Variants in CAST observed in about 807,000 individuals in gnomAD.
CAST encodes calpastatin.
CAST carries 76 observed loss-of-function variants against 119.6 expected under a neutral mutation model. That is an observed-to-expected ratio of 0.64 (90% CI 0.53 to 0.77). The LOEUF (loss-of-function observed/expected upper bound fraction) is 0.77. CAST is among the 30% of genes least tolerant of loss of function. CAST has a pLI of 0.00. For missense variants in CAST, 953 were observed against 946.5 expected (o/e 1.01, Z -0.09); for synonymous variants, 319 against 331.6 (o/e 0.96, Z 0.41).
intron 3 of CAST, among the ~76,000 whole-genome samples, chr5:96,705,053 C>T (rs962877291): frequency 8.5e-5 from 13 of 152,136 alleles, no homozygotes; most frequent in Non-Finnish European, 1.8e-4. Flanking sequence ...GGGACGGTGG[C>T]TCATGCCTGT....
chr5:96,408,578 A>T, the CAST span, among the ~76,000 whole-genome samples: 1 of 152,194 alleles, frequency 6.6e-6, no homozygotes, highest in African/African-American at 2.4e-5. Context: ...CCCACTACGA[A>T]TATTTTCTTT....
intron 19 of CAST, 57 bp downstream of exon 19, chr5:96,748,670 T>A: frequency 1.2e-6 from 1 of 827,254 alleles, no homozygotes; most frequent in South Asian, 1.5e-5. Context: ...TAAAAAAAAA[T>A]TGTGAGACAG....
At chr5:96,241,618 A>T in the CAST span, among the ~76,000 whole-genome samples, 2 of 143,986 alleles carry the variant, frequency 1.4e-5, no homozygotes, top group African/African-American at 2.5e-5. Context: ...TTCTAGTTCT[A>T]GATCCCTGAG....
At chr5:96,015,888 G>C in the CAST span, among the ~76,000 whole-genome samples, 1 of 152,136 alleles carries the variant, frequency 6.6e-6, no homozygotes, top group African/African-American at 2.4e-5. Context: ...TTGATGGTGA[G>C]GCTGATGTGT....
intron 1 of CAST, among the ~76,000 whole-genome samples, chr5:96,572,443 T>C (rs1344283442): frequency 6.6e-6 from 1 of 152,190 alleles, no homozygotes; most frequent in Admixed American, 6.5e-5. Context: ...TCAGGTGATC[T>C]GCCCACCTCG....
At chr5:96,361,185 C>G in the CAST span, among the ~76,000 whole-genome samples, 4 of 152,206 alleles carry the variant, frequency 2.6e-5, no homozygotes, top group African/African-American at 7.2e-5. Flanking sequence ...CTCTTCCCAC[C>G]AAGCTCGAGT....
At chr5:96,613,082 C>T (rs1747392085) in intron 1 of CAST, among the ~76,000 whole-genome samples, 1 of 152,220 alleles carries the variant, frequency 6.6e-6, no homozygotes, top group South Asian at 2.1e-4. Flanking sequence ...GCCAATAGCA[C>T]ACTGCCTGAA....
intron 1 of CAST, among the ~76,000 whole-genome samples, chr5:96,532,171 A>G (rs77303058): frequency 6.6e-6 from 1 of 151,516 alleles, no homozygotes; most frequent in Admixed American, 6.6e-5. Flanking sequence ...GAAGTTCCAG[A>G]AAAAAAAATG....
chr5:96,653,551 A>C (rs1054815822), intron 1 of CAST, among the ~76,000 whole-genome samples: 1 of 152,186 alleles, frequency 6.6e-6, no homozygotes, highest in Non-Finnish European at 1.5e-5. Context: ...GGTACAAATA[A>C]AACCTCGTAA....
At chr5:96,450,669 A>G in the CAST span, among the ~76,000 whole-genome samples, 1 of 152,204 alleles carries the variant, frequency 6.6e-6, no homozygotes, top group Non-Finnish European at 1.5e-5. Flanking sequence ...ATTTTCCCTG[A>G]ATAATTGCAA....
chr5:96,522,314 A>G (rs1006360558), upstream of CAST, among the ~76,000 whole-genome samples: 3 of 152,184 alleles, frequency 2.0e-5, no homozygotes, highest in African/African-American at 7.2e-5. Context: ...ACAATGTAGA[A>G]AATTATGTGT....
At chr5:96,381,045 A>G in the CAST span, among the ~76,000 whole-genome samples, 67 of 152,154 alleles carry the variant, frequency 4.4e-4, no homozygotes, top group Admixed American at 2.6e-3. Context: ...TTTTTCAGCC[A>G]TATCTTTGTG....
chr5:96,162,194 G>A, the CAST span, among the ~76,000 whole-genome samples: 12 of 152,330 alleles, frequency 7.9e-5, no homozygotes, highest in Middle Eastern at 3.4e-3. Context: ...TGTTCCTGCT[G>A]TTGGGAGTAA....
the CAST span, among the ~76,000 whole-genome samples, chr5:96,338,517 CTCTGAG>C: frequency 1.3e-5 from 2 of 152,146 alleles, no homozygotes; most frequent in African/African-American, 4.8e-5. Flanking sequence ...AAGTATTGAA[CTCTGAG>C]TCTGGAGTGG....
At chr5:96,617,644 T>G (rs886663038) in intron 1 of CAST, among the ~76,000 whole-genome samples, 1 of 151,366 alleles carries the variant, frequency 6.6e-6, no homozygotes, top group South Asian at 2.1e-4. Flanking sequence ...AAAAAAAAAT[T>G]AGCCAGGCAT....
chr5:96,364,341 C>T, the CAST span, among the ~76,000 whole-genome samples: 4 of 152,146 alleles, frequency 2.6e-5, no homozygotes, highest in African/African-American at 7.2e-5. Flanking sequence ...ATGATGCTGG[C>T]CTCATAAAAT....
chr5:96,451,118 T>C, the CAST span, among the ~76,000 whole-genome samples: 5 of 149,626 alleles, frequency 3.3e-5, no homozygotes, highest in Admixed American at 1.3e-4. Context: ...TTTGCTCCTG[T>C]GATATCTGTT....
the CAST span, among the ~76,000 whole-genome samples, chr5:96,451,896 A>G: frequency 6.6e-6 from 1 of 152,252 alleles, no homozygotes; most frequent in African/African-American, 2.4e-5. Context: ...AAAAAGACTC[A>G]TCATCACTGG....
the CAST span, among the ~76,000 whole-genome samples, chr5:96,186,259 G>C: frequency 1.3e-5 from 2 of 152,240 alleles, no homozygotes; most frequent in Non-Finnish European, 1.5e-5. Context: ...TGAGACAATG[G>C]GGTTTTCTAG....
Sources: allele counts gnomAD v4.1 joint callset (sites outside exome capture counted in the v4.1 genomes callset), GRCh38; gene constraint gnomAD v4.1.1; transcripts MANE v1.5; gene names NCBI Gene and HGNC (gene_info 2026-07-23, HGNC 2026-07-21).